STAT5B: variants seen among roughly 807,000 people sequenced by gnomAD.
The protein encoded by STAT5B is signal transducer and activator of transcription 5B.
A neutral mutation model predicts 107.8 loss-of-function variants in STAT5B; 21 were observed. The ratio of observed to expected loss-of-function variants is 0.19; its 90% CI spans 0.14 to 0.28. STAT5B has a LOEUF of 0.28. Ranked by LOEUF, STAT5B falls within the 10% of genes least tolerant of loss-of-function variation. STAT5B has a pLI of 1.00. For synonymous variants in STAT5B, 325 were observed against 401.7 expected (o/e 0.81, Z 2.28); for missense variants, 565 against 1,008.2 (o/e 0.56, Z 5.95).
chr17:42,252,946 G>A (rs1276733396), intron 1 of STAT5B, among the ~76,000 whole-genome samples: 2 of 152,186 alleles, frequency 1.3e-5, no homozygotes, highest in Non-Finnish European at 2.9e-5. Context: ...AAGCACATTT[G>A]TCAACAATTC....
intron 1 of STAT5B, among the ~76,000 whole-genome samples, chr17:42,241,973 A>T (rs1181283824): frequency 6.6e-6 from 1 of 152,208 alleles, no homozygotes; most frequent in Non-Finnish European, 1.5e-5. Context: ...AGATGGGAAG[A>T]GAACAGAAAG....
intron 15 of STAT5B, among the ~76,000 whole-genome samples, chr17:42,208,543 G>C (rs2144213790): frequency 6.6e-6 from 1 of 152,004 alleles, no homozygotes; most frequent in African/African-American, 2.4e-5. Context: ...GGGTAGATAA[G>C]CAGGTAATAC....
At chr17:42,229,066 G>GT (rs1169678755) in intron 2 of STAT5B, among the ~76,000 whole-genome samples, 10 of 152,334 alleles carry the variant, frequency 6.6e-5, no homozygotes, top group African/African-American at 2.4e-4. Context: ...GTATTAAATA[G>GT]AATACGTATT....
the STAT5B span, among the ~76,000 whole-genome samples, chr17:42,286,416 C>T: frequency 6.6e-6 from 1 of 152,106 alleles, no homozygotes. Flanking sequence ...CTTTTAGGCC[C>T]ATCCTTCCCA....
intron 4 of STAT5B, 89 bp from the exon 5 acceptor site, chr17:42,223,645 A>G: frequency 6.6e-7 from 1 of 1,519,498 alleles, no homozygotes; most frequent in South Asian, 1.2e-5. Flanking sequence ...TCCTACAACC[A>G]GGGTAAGACC....
At chr17:42,207,827 T>A (rs562625655) in intron 15 of STAT5B, 99 bp from the exon 16 acceptor site, 2 of 1,228,974 alleles carry the variant, frequency 1.6e-6, no homozygotes, top group Admixed American at 4.0e-5. Flanking sequence ...GCCATTATAA[T>A]GGCTCCAATA....
In STAT5B at chr17:42,201,659, C is replaced by A. The variant is rs1460889391; in HGVS notation, c.*79G>T. 5 of 968,842 alleles carry A rather than the reference C, an allele frequency of 5.2e-6. No individual in the cohort carries two copies. The highest frequency in any genetic ancestry group is 8.4e-6 in the Non-Finnish European group (5 of 592,178). The allele number at this position is 968,842 out of a possible 1,614,324, so 60.0% of individuals were successfully genotyped here. A position where few individuals can be genotyped will look rare whatever the true frequency, so the allele number is the denominator to read the frequency against. ...TATGAGTATTGTTTCAAAAGAGAAG[C>A]GATTCATGGAATTAAAACATCCACA... On this transcript the variant is annotated 3_prime_UTR_variant, in exon 19 of 19. Transcript: ENST00000293328.
At chr17:42,206,448 A>C (rs77490819) in intron 16 of STAT5B, among the ~76,000 whole-genome samples, 4,619 of 152,210 alleles carry the variant, frequency 0.03, 233 homozygotes, top group African/African-American at 0.1. Context: ...CCACACAGGA[A>C]GTTCAAGCAA....
At chr17:42,219,680 C>T in intron 6 of STAT5B, 32 bp downstream of exon 6, 1 of 1,587,120 alleles carries the variant, frequency 6.3e-7, no homozygotes, top group Non-Finnish European at 8.6e-7. Context: ...TCATGGCACC[C>T]ACGCCCAGGA....
At chr17:42,237,309 G>A (rs1252520501) in intron 1 of STAT5B, among the ~76,000 whole-genome samples, 3 of 152,174 alleles carry the variant, frequency 2.0e-5, no homozygotes, top group African/African-American at 7.2e-5. Flanking sequence ...CCATAAAAAT[G>A]AATGTCCACC....
intron 11 of STAT5B, 94 bp downstream of exon 11, chr17:42,217,066 A>T (rs2144240539): frequency 2.6e-6 from 4 of 1,541,868 alleles, no homozygotes; most frequent in Non-Finnish European, 1.8e-6. Context: ...AAAAAGAAGA[A>T]GATGCTATGT....
chr17:42,270,322 C>T (rs184861274), intron 1 of STAT5B, among the ~76,000 whole-genome samples: 1 of 152,190 alleles, frequency 6.6e-6, no homozygotes, highest in Non-Finnish European at 1.5e-5. Flanking sequence ...CAGAAATCCC[C>T]GCAAAATAAA....
chr17:42,211,857 A>G, intron 13 of STAT5B, 127 bp downstream of exon 13: 1 of 1,412,560 alleles, frequency 7.1e-7, no homozygotes, highest in South Asian at 1.3e-5. Context: ...ATCTAGTCAG[A>G]AGCTTCTATT....
intron 3 of STAT5B, among the ~76,000 whole-genome samples, chr17:42,225,269 G>C (rs1454840694): frequency 1.3e-5 from 2 of 152,070 alleles, no homozygotes; most frequent in Non-Finnish European, 2.9e-5. Context: ...TGGCCAGGCT[G>C]GTCTCGAACT....
chr17:42,217,318 T>G (rs774739533), intron 10 of STAT5B, 36 bp from the exon 11 acceptor site: 4 of 1,614,210 alleles, frequency 2.5e-6, no homozygotes, highest in Non-Finnish European at 3.4e-6. Flanking sequence ...ACGTAAGATA[T>G]AAGTTGTTCC....
chr17:42,266,469 C>T (rs767475853), intron 1 of STAT5B, among the ~76,000 whole-genome samples: 5 of 151,216 alleles, frequency 3.3e-5, no homozygotes, highest in Admixed American at 6.6e-5. Flanking sequence ...TAAAGTAATA[C>T]GTTTTCTTAC....
At chr17:42,221,806 T>C (rs921859975) in intron 5 of STAT5B, among the ~76,000 whole-genome samples, 6 of 152,228 alleles carry the variant, frequency 3.9e-5, no homozygotes, top group African/African-American at 1.2e-4. Context: ...CTCAAAGATT[T>C]ATATTCCAGT....
chr17:42,283,517 CCACCCTGTCCAGCCCCA>C, the STAT5B span, among the ~76,000 whole-genome samples: 1 of 152,226 alleles, frequency 6.6e-6, no homozygotes, highest in Non-Finnish European at 1.5e-5. Flanking sequence ...CCTCTCCTAC[CCACCCTGTCCAGCCCCA>C]CACCCTTCCC....
At chr17:42,219,923 G>A in intron 5 of STAT5B, 81 bp from the exon 6 acceptor site, 6 of 1,602,406 alleles carry the variant, frequency 3.7e-6, no homozygotes, top group African/African-American at 1.3e-5. Flanking sequence ...CACCCGTTCT[G>A]GAGCGAGACC....
Sources: gnomAD v4.1 joint callset for allele counts (sites outside exome capture counted in the v4.1 genomes callset) on GRCh38, gnomAD v4.1.1 for gene constraint, MANE v1.5 for transcripts, NCBI Gene and HGNC (gene_info 2026-07-23, HGNC 2026-07-21) for gene names.